Variants in KCNB2 observed in about 807,000 individuals in gnomAD.
KCNB2 encodes the protein delayed rectifier potassium channel protein.
KCNB2 carries 15 observed loss-of-function variants against 61.5 expected under a neutral mutation model. The observed-to-expected ratio is 0.24, with a 90% CI of 0.16 to 0.38. The LOEUF is 0.38. KCNB2 is among the 10% of genes least tolerant of loss of function. KCNB2 has a pLI of 1.00. For synonymous variants in KCNB2, 457 were observed against 446.0 expected, an observed-to-expected ratio of 1.02 and a Z score of -0.31; for missense variants, 828 against 1,125.2, an observed-to-expected ratio of 0.74 and a Z score of 3.78.
intron 2 of KCNB2, among the ~76,000 whole-genome samples, chr8:72,617,932 G>A (rs185944048): frequency 6.7e-4 from 102 of 152,252 alleles, no homozygotes; most frequent in African/African-American, 2.3e-3. Context: ...CTTTAGTGAG[G>A]GTTATAACTA....
intron 2 of KCNB2, among the ~76,000 whole-genome samples, chr8:72,863,012 T>A (rs1428902880): frequency 2.6e-5 from 4 of 152,214 alleles, no homozygotes; most frequent in African/African-American, 9.7e-5. Flanking sequence ...CTTTTCTGAT[T>A]TCAAAGCCCA....
intron 2 of KCNB2, among the ~76,000 whole-genome samples, chr8:72,790,883 C>T (rs1204080612): frequency 6.6e-6 from 1 of 152,176 alleles, no homozygotes; most frequent in Non-Finnish European, 1.5e-5. Flanking sequence ...AGAATGCTTT[C>T]ATATACTCTT....
At chr8:72,675,760 G>A (rs1806643620) in intron 2 of KCNB2, among the ~76,000 whole-genome samples, 1 of 152,020 alleles carries the variant, frequency 6.6e-6, no homozygotes, top group Non-Finnish European at 1.5e-5. Flanking sequence ...CATCATGTTG[G>A]TCAGGCTGGT....
chr8:72,624,863 C>T (rs556998127), intron 2 of KCNB2, among the ~76,000 whole-genome samples: 1 of 152,326 alleles, frequency 6.6e-6, no homozygotes, highest in East Asian at 1.9e-4. Flanking sequence ...AAGATGCCAG[C>T]TGCCATGCTG....
At chr8:72,677,274 G>A (rs1188657731) in intron 2 of KCNB2, among the ~76,000 whole-genome samples, 1 of 152,176 alleles carries the variant, frequency 6.6e-6, no homozygotes, top group African/African-American at 2.4e-5. Flanking sequence ...AGAACTGTGA[G>A]ACAATAAATG....
chr8:72,805,244 C>A (rs1054528233), intron 2 of KCNB2, among the ~76,000 whole-genome samples: 12 of 152,150 alleles, frequency 7.9e-5, no homozygotes, highest in Non-Finnish European at 1.6e-4. Context: ...ATAAAATAAA[C>A]TTCAGCAAGA....
intron 2 of KCNB2, among the ~76,000 whole-genome samples, chr8:72,894,593 C>T (rs936200065): frequency 1.3e-5 from 2 of 151,658 alleles, no homozygotes; most frequent in East Asian, 1.9e-4. Context: ...CCCCTTGCAG[C>T]GTGACCCACA....
intron 2 of KCNB2, among the ~76,000 whole-genome samples, chr8:72,849,386 A>G (rs1204443991): frequency 6.6e-6 from 1 of 152,122 alleles, no homozygotes; most frequent in East Asian, 1.9e-4. Flanking sequence ...ACTATACATG[A>G]TAACTATAGT....
At chr8:72,639,046 T>C (rs1024951728) in intron 2 of KCNB2, among the ~76,000 whole-genome samples, 1 of 152,164 alleles carries the variant, frequency 6.6e-6, no homozygotes, top group Admixed American at 6.5e-5. Flanking sequence ...AGCTCCCTCC[T>C]TCTACCTCCA....
intron 2 of KCNB2, among the ~76,000 whole-genome samples, chr8:72,921,577 A>G (rs956611006): frequency 2.0e-5 from 3 of 152,238 alleles, no homozygotes; most frequent in African/African-American, 7.2e-5. Context: ...TGTTTTAAAA[A>G]TTGGTTTTTA....
intron 2 of KCNB2, among the ~76,000 whole-genome samples, chr8:72,924,584 C>T (rs1563426041): frequency 2.0e-5 from 3 of 152,056 alleles, no homozygotes; most frequent in African/African-American, 4.8e-5. Context: ...TAACAGAACC[C>T]AGGAGCAGAT....
At chr8:72,685,297 T>C (rs1265233730) in intron 2 of KCNB2, among the ~76,000 whole-genome samples, 1 of 151,906 alleles carries the variant, frequency 6.6e-6, no homozygotes, top group Non-Finnish European at 1.5e-5. Flanking sequence ...AATTTCAGGG[T>C]TTTTTTTCTT....
At chr8:72,643,530 T>G (rs1321375307) in intron 2 of KCNB2, among the ~76,000 whole-genome samples, 1 of 152,066 alleles carries the variant, frequency 6.6e-6, no homozygotes, top group East Asian at 1.9e-4. Context: ...CACTCCATGG[T>G]GTGGAGTGTG....
In KCNB2 at chr8:72,839,706, G is replaced by A. The variant is rs1486861837; in HGVS notation, c.580-96229G>A. 5.1e-5 allele frequency among the ~76,000 whole-genome samples: 7 copies of A among 136,042 alleles called. No individual in the cohort carries two copies. The South Asian group carries it at 1.7e-3, about 33-fold the overall frequency. 89.2% of individuals were successfully genotyped at this position (136,042 alleles called of 152,430 possible). A position where few individuals can be genotyped will look rare whatever the true frequency, so the allele number is the denominator to read the frequency against. On this transcript the variant is annotated intron_variant, in intron 2 of 2. Coordinates refer to ENST00000523207, the MANE Select transcript of KCNB2 (RefSeq NM_004770.3). ...CGGCTCGCTGCAAGCTCCGCCTCCC[G>A]GGTTCACACCATTCTTCTGCCTCAG...
At chr8:72,775,711 T>C (rs1262396454) in intron 2 of KCNB2, among the ~76,000 whole-genome samples, 4 of 125,650 alleles carry the variant, frequency 3.2e-5, no homozygotes, top group African/African-American at 1.2e-4. Flanking sequence ...TAAGTGGCTA[T>C]ATGAATGAGC....
intron 2 of KCNB2, among the ~76,000 whole-genome samples, chr8:72,894,020 T>C (rs1269316044): frequency 6.6e-6 from 1 of 152,340 alleles, no homozygotes; most frequent in East Asian, 1.9e-4. Context: ...ATACTTTCTT[T>C]GCTCTTTTGG....
At chr8:72,810,937 G>A (rs1809297574) in intron 2 of KCNB2, among the ~76,000 whole-genome samples, 1 of 152,104 alleles carries the variant, frequency 6.6e-6, no homozygotes, top group South Asian at 2.1e-4. Flanking sequence ...TATGAATCAT[G>A]GCTGAATTTA....
At chr8:72,811,999 C>T (rs1173008415) in intron 2 of KCNB2, among the ~76,000 whole-genome samples, 7 of 152,162 alleles carry the variant, frequency 4.6e-5, no homozygotes, top group South Asian at 2.1e-4. Flanking sequence ...CCATGGCTCA[C>T]GCCTGTAATC....
At chr8:72,781,698 T>C (rs1012056057) in intron 2 of KCNB2, among the ~76,000 whole-genome samples, 1 of 152,212 alleles carries the variant, frequency 6.6e-6, no homozygotes, top group East Asian at 1.9e-4. Flanking sequence ...ATATGGACTC[T>C]TATTTGGTTC....
Sources: gnomAD v4.1 joint callset for allele counts (sites outside exome capture counted in the v4.1 genomes callset) on GRCh38, gnomAD v4.1.1 for gene constraint, MANE v1.5 for transcripts, NCBI Gene and HGNC (gene_info 2026-07-23, HGNC 2026-07-21) for gene names.